ADAMTS12: variants seen among roughly 807,000 people sequenced by gnomAD.
The protein encoded by ADAMTS12 is A disintegrin and metalloproteinase with thrombospondin motifs 12.
A neutral mutation model predicts 167.8 loss-of-function variants in ADAMTS12; 118 were observed. The ratio of observed to expected loss-of-function variants is 0.70; its 90% CI spans 0.61 to 0.82. The LOEUF is 0.82. Ranked by LOEUF, ADAMTS12 falls within the 40% of genes least tolerant of loss-of-function variation. The probability of loss-of-function intolerance (pLI) is 0.00; values close to 1 mark genes in which losing one functional copy is unlikely to be tolerated. For missense variants in ADAMTS12, 1,916 were observed against 1,998.8 expected (o/e 0.96, Z 0.79); for synonymous variants, 704 against 716.9 (o/e 0.98, Z 0.29).
chr5:33,576,539 T>C lies in ADAMTS12; in HGVS notation c.3487A>G (p.Arg1163Gly), dbSNP rs1746728737. The C allele has an allele frequency of 6.2e-7, 1 of 1,613,710 alleles. No homozygotes were observed. Among genetic ancestry groups the C allele is most frequent in the Non-Finnish European group, 8.5e-7 (1 of 1,179,862 alleles). Residue 1163 changes from arginine (R) to glycine (G), a missense_variant, in exon 19 of 24, where the codon AGA becomes GGA. Physicochemically the swap from Arg to Gly is moderately radical, Grantham distance 125. Coordinates refer to ENST00000504830, the MANE Select transcript of ADAMTS12 (RefSeq NM_030955.4). Reference sequence around the variant, plus strand: ...TCATCTTTGTCCTCAGGCTGTTCTCTTTCTTCCCCTGAGCCACTGTGAATC... The same window carrying C: ...TCATCTTTGTCCTCAGGCTGTTCTCCTTCTTCCCCTGAGCCACTGTGAATC... Reference protein sequence around the residue: ...MEIHSGSGEEREQPEDKDESN... With the variant: ...MEIHSGSGEEGEQPEDKDESN...
chr5:33,631,980 G>C (rs1436979986), intron 12 of ADAMTS12, among the ~76,000 whole-genome samples: 1 of 152,148 alleles, frequency 6.6e-6, no homozygotes, highest in African/African-American at 2.4e-5. Context: ...TGATGGCTCT[G>C]TCTGCTTGAG....
chr5:33,891,386 T>C (rs1301932084), intron 1 of ADAMTS12: 3 of 209,354 alleles, frequency 1.4e-5, no homozygotes, highest in African/African-American at 6.9e-5. Context: ...ATTTTCCATG[T>C]TTAGAGTCTG....
intron 2 of ADAMTS12, among the ~76,000 whole-genome samples, chr5:33,765,795 G>A (rs1264435161): frequency 6.6e-6 from 1 of 151,954 alleles, no homozygotes; most frequent in Non-Finnish European, 1.5e-5. Context: ...CAAAAAAAAA[G>A]TTATTTAAAA....
chr5:33,865,944 T>C (rs962212875), intron 2 of ADAMTS12, among the ~76,000 whole-genome samples: 1 of 152,122 alleles, frequency 6.6e-6, no homozygotes, highest in Non-Finnish European at 1.5e-5. Context: ...AAAACACTGC[T>C]GAAAGAAATC....
intron 2 of ADAMTS12, among the ~76,000 whole-genome samples, chr5:33,856,378 T>C (rs1749403130): frequency 1.3e-5 from 2 of 152,212 alleles, no homozygotes; most frequent in Admixed American, 6.5e-5. Flanking sequence ...TAAGGGGCTA[T>C]ATGACTCTTA....
intron 23 of ADAMTS12, among the ~76,000 whole-genome samples, chr5:33,534,509 A>G (rs1744276619): frequency 6.6e-6 from 1 of 152,202 alleles, no homozygotes; most frequent in South Asian, 2.1e-4. Context: ...GATATCTCTC[A>G]AGACATCTTT....
intron 2 of ADAMTS12, among the ~76,000 whole-genome samples, chr5:33,758,650 G>A (rs893784460): frequency 5.3e-5 from 8 of 152,146 alleles, no homozygotes; most frequent in African/African-American, 1.7e-4. Context: ...ACCAATGGAC[G>A]GGGTAGGCAG....
At chr5:33,704,621 T>A (rs147789071) in intron 3 of ADAMTS12, among the ~76,000 whole-genome samples, 186 of 152,340 alleles carry the variant, frequency 1.2e-3, no homozygotes, top group African/African-American at 4.4e-3. Flanking sequence ...CGTTTTCATA[T>A]ACCTGATGGC....
chr5:33,874,534 GA>G (rs1167338031), intron 2 of ADAMTS12, among the ~76,000 whole-genome samples: 15 of 152,160 alleles, frequency 9.9e-5, no homozygotes, highest in Non-Finnish European at 1.6e-4. Context: ...CTTCTTACAA[GA>G]CTAAACATAC....
chr5:33,632,867 T>TG (rs946549958), intron 12 of ADAMTS12, among the ~76,000 whole-genome samples: 8 of 152,164 alleles, frequency 5.3e-5, no homozygotes, highest in African/African-American at 1.9e-4. Context: ...TCAAGGCTGC[T>TG]GGGAAGAGTT....
intron 3 of ADAMTS12, among the ~76,000 whole-genome samples, chr5:33,748,464 C>A (rs1195381478): frequency 2.0e-5 from 3 of 151,982 alleles, no homozygotes; most frequent in South Asian, 2.1e-4. Flanking sequence ...AAATCAAAAA[C>A]AAAATAGCAT....
intron 16 of ADAMTS12, among the ~76,000 whole-genome samples, chr5:33,600,616 T>C (rs1262199700): frequency 2.0e-5 from 3 of 152,198 alleles, no homozygotes; most frequent in Non-Finnish European, 4.4e-5. Flanking sequence ...AGTGAACATT[T>C]AATTACAGCA....
At chr5:33,834,012 A>G (rs1251659691) in intron 2 of ADAMTS12, among the ~76,000 whole-genome samples, 1 of 149,318 alleles carries the variant, frequency 6.7e-6, no homozygotes, top group African/African-American at 2.5e-5. Context: ...AGGCAAGGTT[A>G]GTTCCTTTGG....
intron 3 of ADAMTS12, among the ~76,000 whole-genome samples, chr5:33,719,305 G>A (rs1483237804): frequency 1.3e-5 from 2 of 152,088 alleles, no homozygotes; most frequent in Non-Finnish European, 2.9e-5. Context: ...GCTCTGGAGG[G>A]AAACCAAGAG....
intron 20 of ADAMTS12, among the ~76,000 whole-genome samples, chr5:33,557,536 A>G (rs1745539811): frequency 6.6e-6 from 1 of 152,218 alleles, no homozygotes; most frequent in Non-Finnish European, 1.5e-5. Flanking sequence ...AAGCTAAGGC[A>G]GGAGTATTGT....
chr5:33,815,340 A>G (rs537465045), intron 2 of ADAMTS12, among the ~76,000 whole-genome samples: 82 of 152,272 alleles, frequency 5.4e-4, no homozygotes, highest in Non-Finnish European at 9.8e-4. Context: ...ACAGGTTTAG[A>G]TGAGGCACTG....
chr5:33,655,459 A>G (rs925184450), intron 7 of ADAMTS12, among the ~76,000 whole-genome samples: 8 of 152,166 alleles, frequency 5.3e-5, no homozygotes, highest in African/African-American at 1.9e-4. Flanking sequence ...CCATGGGATT[A>G]AGGTTCAACT....
chr5:33,690,723 T>A (rs1474140232), intron 3 of ADAMTS12, among the ~76,000 whole-genome samples: 1 of 152,042 alleles, frequency 6.6e-6, no homozygotes, highest in Admixed American at 6.6e-5. Context: ...TTTATATGTT[T>A]ATATTAAATA....
chr5:33,568,200 T>C (rs1285134859), intron 19 of ADAMTS12, among the ~76,000 whole-genome samples: 3 of 152,242 alleles, frequency 2.0e-5, no homozygotes, highest in Non-Finnish European at 4.4e-5. Flanking sequence ...ATTGGCTTAC[T>C]GTAAGCATGA....
Sources: allele counts gnomAD v4.1 joint callset (sites outside exome capture counted in the v4.1 genomes callset), GRCh38; gene constraint gnomAD v4.1.1; transcripts MANE v1.5; gene names NCBI Gene and HGNC (gene_info 2026-07-23, HGNC 2026-07-21).